Variants in LAMA2 observed in about 807,000 individuals in gnomAD.
LAMA2 encodes the protein laminin subunit alpha-2.
LAMA2 carries 269 observed loss-of-function variants against 364.8 expected under a neutral mutation model. The observed-to-expected ratio is 0.74, with a 90% CI of 0.67 to 0.82. The LOEUF is 0.82. Among genes scored for constraint, LAMA2 ranks in the 40% least tolerant of loss-of-function variants. LAMA2 has a pLI of 0.00. For missense variants in LAMA2, 3,807 were observed against 3,873.2 expected (o/e 0.98, Z 0.45); for synonymous variants, 1,379 against 1,370.6 (o/e 1.01, Z -0.14).
chr6:129,350,366 G>T (rs1043775314), intron 31 of LAMA2, among the ~76,000 whole-genome samples: 1 of 152,194 alleles, frequency 6.6e-6, no homozygotes, highest in Non-Finnish European at 1.5e-5. Flanking sequence ...GTGACAATAA[G>T]TGTGTAAAGG....
At chr6:128,919,540 T>C (rs1308652999) in intron 1 of LAMA2, among the ~76,000 whole-genome samples, 1 of 152,216 alleles carries the variant, frequency 6.6e-6, no homozygotes, top group African/African-American at 2.4e-5. Context: ...GTTCAACTTA[T>C]TATTACTTCA....
At position 129,096,639 on chromosome 6, in the gene LAMA2, G is replaced by A. The variant is rs970077187; in HGVS notation, c.397-1534G>A. Among the ~76,000 whole-genome samples, 3 of 152,216 alleles carry A rather than the reference G, an allele frequency of 2.0e-5. No individual in the cohort carries two copies. The East Asian group carries it at 5.8e-4, about 29-fold the overall frequency. On this transcript the variant is annotated intron_variant, in intron 3 of 64. Coordinates refer to ENST00000421865, the MANE Select transcript of LAMA2 (RefSeq NM_000426.4). ...CAGGACAAATATCTTGGCTGTCCTT[G>A]CTATGCTGGGGTCAATCAGATGGTC...
At chr6:129,258,383 G>T (rs140330109) in intron 14 of LAMA2, among the ~76,000 whole-genome samples, 3 of 152,090 alleles carry the variant, frequency 2.0e-5, no homozygotes, top group African/African-American at 7.2e-5. Context: ...ACAAAATGTG[G>T]CATGTACATG....
At position 129,512,353 on chromosome 6, in the gene LAMA2, C is replaced by A; in HGVS notation, c.8858-10C>A. ...CTAATCCAAAATATTTTAAAATCTT[C>A]ATTTTACAGTTGGTGGATTCAAAGT... On this transcript the variant is annotated splice_polypyrimidine_tract_variant and intron_variant, in intron 62 of 64. Coordinates refer to ENST00000421865, the MANE Select transcript of LAMA2 (RefSeq NM_000426.4). 6.2e-7 allele frequency: 1 copy of A among 1,612,658 alleles called. No homozygotes were observed. Among genetic ancestry groups the A allele is most frequent in the South Asian group, 1.1e-5 (1 of 91,068 alleles).
intron 3 of LAMA2, among the ~76,000 whole-genome samples, chr6:129,087,410 C>T (rs1248602528): frequency 6.6e-6 from 1 of 152,166 alleles, no homozygotes; most frequent in Non-Finnish European, 1.5e-5. Context: ...AGAACCACAG[C>T]AGGGGCGCAC....
chr6:129,283,367 C>T (rs1788870048), intron 18 of LAMA2, among the ~76,000 whole-genome samples: 1 of 152,034 alleles, frequency 6.6e-6, no homozygotes, highest in Non-Finnish European at 1.5e-5. Context: ...CACTAAGTTA[C>T]TTTCAGAATA....
chr6:129,369,691 A>G (rs749087655), intron 33 of LAMA2, among the ~76,000 whole-genome samples: 5 of 152,254 alleles, frequency 3.3e-5, no homozygotes, highest in African/African-American at 9.6e-5. Context: ...TAATTTCTCA[A>G]TAAGTCACTG....
At chr6:129,115,599 A>G (rs112274267) in intron 4 of LAMA2, among the ~76,000 whole-genome samples, 82 of 152,194 alleles carry the variant, frequency 5.4e-4, no homozygotes, top group African/African-American at 1.9e-3. Flanking sequence ...AAGTCCTGCC[A>G]GTCTGTTTTC....
At chr6:128,922,975 G>T (rs551550818) in intron 1 of LAMA2, among the ~76,000 whole-genome samples, 6 of 151,212 alleles carry the variant, frequency 4.0e-5, no homozygotes, top group Non-Finnish European at 7.4e-5. Context: ...AATCCTTTCC[G>T]CATTGCTTGT....
chr6:129,217,249 T>C (rs1395520031), intron 12 of LAMA2, among the ~76,000 whole-genome samples: 2 of 151,972 alleles, frequency 1.3e-5, no homozygotes, highest in East Asian at 1.9e-4. Context: ...ATACAAAATA[T>C]CTATTTTTAG....
chr6:129,269,689 C>CA lies in LAMA2; in HGVS notation c.2323-928dup, dbSNP rs542557518. ...GTGAGATAACATGCAAATAATTTTA[C>CA]AAAAAAACAAGCAATTCTTCAGTAA... is the stretch of plus-strand genomic sequence containing the variant. On this transcript the variant is annotated intron_variant, in intron 16 of 64. Transcript: ENST00000421865. Among the ~76,000 whole-genome samples the CA allele has an allele frequency of 1.5e-4, 23 of 151,748 alleles. No homozygotes were observed. In the South Asian group the frequency reaches 1.9e-3, roughly 12 times the overall value.
At chr6:129,162,805 T>C (rs1779515990) in intron 8 of LAMA2, among the ~76,000 whole-genome samples, 3 of 152,022 alleles carry the variant, frequency 2.0e-5, no homozygotes, top group African/African-American at 4.8e-5. Flanking sequence ...CCTATATTTG[T>C]ATGATCTGTA....
intron 63 of LAMA2, among the ~76,000 whole-genome samples, 175 bp from the exon 64 acceptor site, chr6:129,514,198 A>G (rs1231691108): frequency 2.0e-5 from 3 of 152,222 alleles, no homozygotes; most frequent in Admixed American, 6.5e-5. Context: ...CCTGGTGATT[A>G]GATTTATACT....
chr6:129,460,488 C>A (rs1783195032), intron 49 of LAMA2, among the ~76,000 whole-genome samples, 164 bp downstream of exon 49: 1 of 152,048 alleles, frequency 6.6e-6, no homozygotes, highest in African/African-American at 2.4e-5. Flanking sequence ...CAAGTCCCTG[C>A]CTGCATTTGC....
chr6:129,313,156 A>G, intron 23 of LAMA2, 59 bp downstream of exon 23: 2 of 1,034,434 alleles, frequency 1.9e-6, no homozygotes, highest in Admixed American at 2.1e-5. Context: ...TCCATTGCTC[A>G]GTTTTAACTT....
chr6:129,229,534 G>A (rs560577652), intron 12 of LAMA2, among the ~76,000 whole-genome samples: 1 of 152,296 alleles, frequency 6.6e-6, no homozygotes, highest in African/African-American at 2.4e-5. Flanking sequence ...ACACAGACAT[G>A]TAATGATCTG....
At chr6:129,423,089 A>G (rs1160087696) in intron 40 of LAMA2, among the ~76,000 whole-genome samples, 1 of 152,108 alleles carries the variant, frequency 6.6e-6, no homozygotes, top group African/African-American at 2.4e-5. Context: ...CAAACTATAT[A>G]ATCACCTCAA....
chr6:129,033,657 TCCTTGCTTTATATTTTGAGTTTACACA>T (rs1562171332), intron 1 of LAMA2, among the ~76,000 whole-genome samples: 1 of 152,186 alleles, frequency 6.6e-6, no homozygotes, highest in Non-Finnish European at 1.5e-5. Context: ...GCACTTCCTC[TCCTTGCTTTATATTTTGAGTTTACACA>T]CTAACCTGCC....
intron 1 of LAMA2, among the ~76,000 whole-genome samples, chr6:129,031,812 T>C (rs1326540464): frequency 1.5e-5 from 2 of 136,908 alleles, no homozygotes; most frequent in Non-Finnish European, 3.2e-5. Flanking sequence ...AATCCTGATA[T>C]GAATTTCTTT....
Sources: gnomAD v4.1 joint callset for allele counts (sites outside exome capture counted in the v4.1 genomes callset) on GRCh38, gnomAD v4.1.1 for gene constraint, MANE v1.5 for transcripts, NCBI Gene and HGNC (gene_info 2026-07-23, HGNC 2026-07-21) for gene names.